Variants in FAM118B observed in about 807,000 individuals in gnomAD.
FAM118B encodes the protein SIR2 antiphage like 1, also known as protein FAM118B.
A neutral mutation model predicts 38.5 loss-of-function variants in FAM118B; 24 were observed. That is an observed-to-expected ratio of 0.62 (90% confidence interval 0.45 to 0.88). The LOEUF is 0.88. FAM118B is among the 40% of genes least tolerant of loss of function. The pLI is 0.00. For synonymous variants in FAM118B, 138 were observed against 156.3 expected, an observed-to-expected ratio of 0.88 and a Z score of 0.87; for missense variants, 334 against 420.0, an observed-to-expected ratio of 0.80 and a Z score of 1.79.
At chr11:126,232,531 C>T (rs1950220304) in intron 2 of FAM118B, among the ~76,000 whole-genome samples, 1 of 152,112 alleles carries the variant, frequency 6.6e-6, no homozygotes, top group Non-Finnish European at 1.5e-5. Context: ...ATGAACTTCC[C>T]TCTACATTTT....
At chr11:126,242,930 G>A (rs1950376591) in intron 4 of FAM118B, among the ~76,000 whole-genome samples, 1 of 152,174 alleles carries the variant, frequency 6.6e-6, no homozygotes, top group African/African-American at 2.4e-5. Flanking sequence ...TCATAGCAAC[G>A]TTATTCATAA....
Position 126,262,879 on chromosome 11 carries a change from G to A in FAM118B, c.*746G>A, listed in dbSNP as rs575377144. The A allele has an allele frequency of 2.6e-5, 4 of 152,750 alleles. No individual in the cohort carries two copies. The South Asian group carries it at 6.2e-4, about 24-fold the overall frequency. 9.5% of individuals were successfully genotyped at this position (152,750 alleles called of 1,614,324 possible). A position where few individuals can be genotyped will look rare whatever the true frequency, so the allele number is the denominator to read the frequency against. On this transcript the variant is annotated 3_prime_UTR_variant, in exon 9 of 9. Transcript: ENST00000533050. Reference sequence around the variant, plus strand: ...ATATGTCCTAGAACTACAGTTAAGTGTGTTGTGGAATTTTAGTTTTGAATC... The same window carrying A: ...ATATGTCCTAGAACTACAGTTAAGTATGTTGTGGAATTTTAGTTTTGAATC...
chr11:126,214,893 G>A (rs931993273), intron 1 of FAM118B, among the ~76,000 whole-genome samples: 1 of 152,260 alleles, frequency 6.6e-6, no homozygotes, highest in Non-Finnish European at 1.5e-5. Flanking sequence ...AGGAACTTGC[G>A]TTTATCACAA....
In FAM118B at chr11:126,253,040, A is replaced by C. The variant is rs1950526777; in HGVS notation, c.568-1265A>C. ...ACAGACCAAGACTCTGTCTAAAAAC[A>C]AACAAACAAATGATTGAAATTTTAA... On this transcript the variant is annotated intron_variant, in intron 5 of 8. Transcript: ENST00000533050. The surrounding 1 kb of genome is among the most constrained non-coding windows in gnomAD (Gnocchi z 5.1). Among the ~76,000 whole-genome samples the C allele has an allele frequency of 6.6e-6, 1 of 152,204 alleles. No individual in the cohort carries two copies. Among genetic ancestry groups the C allele is most frequent in the African/African-American group, 2.4e-5 (1 of 41,462 alleles).
rs182992101 is a variant in FAM118B at position 126,223,158 on chromosome 11, G to C, written c.-76-6067G>C. 7.5e-4 allele frequency among the ~76,000 whole-genome samples: 114 copies of C among 152,198 alleles called. 1 individual carries two copies. The East Asian group carries it at 0.016, about 21-fold the overall frequency. ...CCTGTGCGCCTCAAGAGCCCAGCGA[G>C]TGAGGGAGGGGGCTGGATGGATGTT... On this transcript the variant is annotated intron_variant, in intron 1 of 8. Transcript: ENST00000533050.
intron 1 of FAM118B, among the ~76,000 whole-genome samples, chr11:126,227,377 A>T (rs750647467): frequency 1.4e-4 from 22 of 152,116 alleles, no homozygotes; most frequent in Non-Finnish European, 2.8e-4. Flanking sequence ...CTTATTCATA[A>T]ATCCTTCTTT....
chr11:126,238,567 A>T (rs1035583302), intron 3 of FAM118B, among the ~76,000 whole-genome samples: 1 of 152,162 alleles, frequency 6.6e-6, no homozygotes, highest in Non-Finnish European at 1.5e-5. Context: ...GTTGGGGGAA[A>T]TCTTGTATTT....
intron 7 of FAM118B, among the ~76,000 whole-genome samples, chr11:126,258,959 A>G (rs1372021912): frequency 6.6e-6 from 1 of 152,196 alleles, no homozygotes; most frequent in Non-Finnish European, 1.5e-5. Context: ...AAATTCTTTT[A>G]TTAGCTGTGT....
At position 126,256,073 on chromosome 11, in the gene FAM118B, C is replaced by T. The variant is rs936978321; in HGVS notation, c.697-494C>T. Among the ~76,000 whole-genome samples the T allele has an allele frequency of 6.6e-5, 10 of 152,330 alleles. No homozygotes were observed. Among genetic ancestry groups the T allele is most frequent in the African/African-American group, 2.2e-4 (9 of 41,566 alleles). On this transcript the variant is annotated intron_variant, in intron 6 of 8. Transcript: ENST00000533050. The surrounding 1 kb of genome is among the most constrained non-coding windows in gnomAD (Gnocchi z 6.6). ...ATCACTCGAGGTCGGGAGTACCAGA[C>T]CAGCCTGGCCAACATGGCAAAACCC...
At chr11:126,260,357 C>T (rs1053424788) in intron 7 of FAM118B, 5 of 151,398 alleles carry the variant, frequency 3.3e-5, no homozygotes, top group African/African-American at 9.7e-5. Context: ...ATGAAGTTTT[C>T]CCTGTGCTTT....
intron 1 of FAM118B, among the ~76,000 whole-genome samples, chr11:126,215,013 G>A (rs747938417): frequency 5.9e-5 from 9 of 152,190 alleles, no homozygotes; most frequent in Non-Finnish European, 1.3e-4. Context: ...GAAGTACTTG[G>A]ACATTGTTTT....
At chr11:126,238,195 C>T (rs1950307124) in intron 3 of FAM118B, among the ~76,000 whole-genome samples, 1 of 151,678 alleles carries the variant, frequency 6.6e-6, no homozygotes, top group South Asian at 2.1e-4. Context: ...AACCCCGTCT[C>T]TACTAAAAAT....
In FAM118B at chr11:126,250,300, C is replaced by T. The variant is rs1179122213; in HGVS notation, c.340-206C>T. ...TAGAGACGGGGTTTCACCGTGTTAGCCAGGATGGTCTCGATCTCCTGACCT... is the reference window on the plus strand; with the variant it reads ...TAGAGACGGGGTTTCACCGTGTTAGTCAGGATGGTCTCGATCTCCTGACCT... On this transcript the variant is annotated intron_variant, in intron 4 of 8. Transcript: ENST00000533050. This position sits in a 1 kb window ranked among gnomAD's most constrained non-coding sequence, Gnocchi z 5.1. Among the ~76,000 whole-genome samples the T allele has an allele frequency of 6.6e-6, 1 of 152,062 alleles. No homozygotes were observed. Among genetic ancestry groups the T allele is most frequent in the Non-Finnish European group, 1.5e-5 (1 of 68,022 alleles).
rs1430489451 is a variant in FAM118B at position 126,228,022 on chromosome 11, ACTC to A, written c.-76-1199_-76-1197del. The stretch of plus-strand genomic sequence containing the variant: ...GCCATGTTGCTCAGGGTGGTCTTGA[ACTC>A]CTCAGCTCAAGCATTCTACCTTCCT... On this transcript the variant is annotated intron_variant, in intron 1 of 8. Transcript: ENST00000533050. Among the ~76,000 whole-genome samples the A allele has an allele frequency of 1.1e-4, 17 of 151,180 alleles. No homozygotes were observed. In the East Asian group the frequency reaches 2.7e-3, roughly 24 times the overall value.
In FAM118B at chr11:126,254,317, G is replaced by A; in HGVS notation, c.580G>A (p.Ala194Thr). Reference sequence around the variant, plus strand: ...GTGTGTTGTGCAGGTCCTCGAGTGGGCTCAGGAGAAGCGTAAGCTGAGCGT... The same window carrying A: ...GTGTGTTGTGCAGGTCCTCGAGTGGACTCAGGAGAAGCGTAAGCTGAGCGT... ...LTDEKKVLEW[A>T]QEKRKLSVLH... is the part of the protein sequence containing the mutation. The change falls in exon 6 of 9, where the codon GCT (alanine) becomes ACT (threonine). Residue 194 changes from alanine (A) to threonine (T), a missense_variant. Ala to Thr is a moderately conservative substitution (Grantham distance 58, BLOSUM62 0). This residue lies in a region of FAM118B where 240 missense variants were observed against 295.9 expected (regional missense o/e 0.81). Transcript: ENST00000533050. 1 of 1,614,072 alleles carries A rather than the reference G, an allele frequency of 6.2e-7. No homozygotes were observed. Among genetic ancestry groups the A allele is most frequent in the Non-Finnish European group, 8.5e-7 (1 of 1,179,964 alleles).
At chr11:126,218,063 T>C (rs1377645686) in intron 1 of FAM118B, among the ~76,000 whole-genome samples, 1 of 152,240 alleles carries the variant, frequency 6.6e-6, no homozygotes, top group Non-Finnish European at 1.5e-5. Flanking sequence ...ACGGTTTTGA[T>C]TCTGGAAATT....
At chr11:126,261,127 G>T in intron 7 of FAM118B, 1 of 327,762 alleles carries the variant, frequency 3.1e-6, no homozygotes, top group Non-Finnish European at 5.7e-6. Flanking sequence ...GACTGTTTAG[G>T]GACAGCAGAC....
At chr11:126,261,193 A>G in intron 7 of FAM118B, 2 of 480,976 alleles carry the variant, frequency 4.2e-6, no homozygotes, top group Non-Finnish European at 7.4e-6. Context: ...TTTGTCTACA[A>G]GCAATCGTAG....
At chr11:126,222,874 G>A (rs901859484) in intron 1 of FAM118B, among the ~76,000 whole-genome samples, 11 of 152,168 alleles carry the variant, frequency 7.2e-5, no homozygotes, top group South Asian at 2.1e-4. Context: ...CACTGTACTC[G>A]CCCTAGAAGG....
Sources: gnomAD v4.1 joint callset for allele counts (sites outside exome capture counted in the v4.1 genomes callset) on GRCh38, gnomAD v4.1.1 for gene constraint, gnomAD v4.1.1 regional missense constraint, Gnocchi (gnomAD v3.1) non-coding constraint, MANE v1.5 for transcripts, NCBI Gene and HGNC (gene_info 2026-07-23, HGNC 2026-07-21) for gene names.